Variants in RIMS1 observed in about 807,000 individuals in gnomAD.
The protein encoded by RIMS1 is regulating synaptic membrane exocytosis 1, also known as regulating synaptic membrane exocytosis protein 1.
In RIMS1, 83 loss-of-function variants were observed where a neutral mutation model predicts 214.1. The observed-to-expected ratio is 0.39, with a 90% CI of 0.32 to 0.47. The LOEUF is 0.47. Among genes scored for constraint, RIMS1 ranks in the 20% least tolerant of loss-of-function variants. RIMS1 has a pLI of 0.99. For synonymous variants in RIMS1, 793 were observed against 786.8 expected (o/e 1.01, Z -0.13); for missense variants, 2,050 against 2,161.8 (o/e 0.95, Z 1.03).
At chr6:71,979,433 G>C (rs533445763) in intron 2 of RIMS1, among the ~76,000 whole-genome samples, 6 of 152,046 alleles carry the variant, frequency 3.9e-5, no homozygotes, top group African/African-American at 1.4e-4. Flanking sequence ...CTGAACTCTA[G>C]ACCTGAAAAT....
rs187130614 is a variant in RIMS1 at position 72,074,792 on chromosome 6, T to C, written c.246-22157T>C. Among the ~76,000 whole-genome samples, 5 of 152,358 alleles carry C rather than the reference T, an allele frequency of 3.3e-5. No individual in the cohort carries two copies. The East Asian group carries it at 7.7e-4, about 24-fold the overall frequency. The stretch of plus-strand genomic sequence containing the variant: ...TTTCTGCAGTTTAGATAGCTGCTGC[T>C]GTAAACAGTAAGTACTTTCCAAGGG... On this transcript the variant is annotated intron_variant, in intron 2 of 33. Coordinates refer to ENST00000521978, the MANE Select transcript of RIMS1 (RefSeq NM_014989.7).
chr6:72,030,375 A>G (rs1244238958), intron 2 of RIMS1, among the ~76,000 whole-genome samples: 1 of 152,210 alleles, frequency 6.6e-6, no homozygotes, highest in Non-Finnish European at 1.5e-5. Flanking sequence ...TTAGCAGAAT[A>G]TACTTTTGAC....
intron 29 of RIMS1, among the ~76,000 whole-genome samples, chr6:72,383,498 G>A (rs2098529333): frequency 6.6e-6 from 1 of 151,340 alleles, no homozygotes. Context: ...TTTTGGCCAG[G>A]CACAGTGGCT....
chr6:72,063,496 G>A (rs972562842), intron 2 of RIMS1, among the ~76,000 whole-genome samples: 1 of 152,226 alleles, frequency 6.6e-6, no homozygotes, highest in Non-Finnish European at 1.5e-5. Flanking sequence ...AACCAGAGCA[G>A]GACTTTGGGC....
chr6:71,953,895 CA>C (rs1169219140), intron 1 of RIMS1, among the ~76,000 whole-genome samples: 42 of 152,308 alleles, frequency 2.8e-4, no homozygotes, highest in Admixed American at 2.4e-3. Flanking sequence ...CCCAGCCAAA[CA>C]GACTGAATTA....
intron 1 of RIMS1, among the ~76,000 whole-genome samples, chr6:71,938,983 A>G (rs1361586708): frequency 6.6e-6 from 1 of 152,084 alleles, no homozygotes; most frequent in East Asian, 1.9e-4. Flanking sequence ...TTCCTCTCAC[A>G]TCTCACTGTA....
chr6:72,060,063 C>T (rs375351101), intron 2 of RIMS1, among the ~76,000 whole-genome samples: 4 of 151,828 alleles, frequency 2.6e-5, no homozygotes, highest in South Asian at 2.1e-4. Context: ...CTCAGCCTCC[C>T]GAGTAGCTAG....
At chr6:72,377,335 A>G (rs2098408021) in intron 29 of RIMS1, among the ~76,000 whole-genome samples, 1 of 152,158 alleles carries the variant, frequency 6.6e-6, no homozygotes, top group African/African-American at 2.4e-5. Flanking sequence ...TAAACCCTAG[A>G]AAGACATCTG....
In RIMS1 at chr6:72,183,101, A is replaced by G. The variant is rs535663104; in HGVS notation, c.1630A>G (p.Thr544Ala). Residue 544 changes from threonine (T) to alanine (A), a missense_variant, in exon 6 of 34, where the codon ACC (threonine) becomes GCC (alanine). Around this residue, in one of 6 missense-constraint regions of RIMS1, gnomAD observed 882 missense variants for 828.9 expected, o/e 1.06. Coordinates refer to ENST00000521978, the MANE Select transcript of RIMS1 (RefSeq NM_014989.7). ...EEEGVSTPEY[T>A]SCEDVELESE... ...GGAGGGCGTGTCGACGCCCGAGTAC[A>G]CCAGCTGCGAGGACGTGGAGCTGGA... 6.3e-7 allele frequency: 1 copy of G among 1,591,728 alleles called. No homozygotes were observed. The highest frequency in any genetic ancestry group is 1.7e-4 in the Middle Eastern group (1 of 6,038).
chr6:72,336,304 G>A (rs1042299365), intron 29 of RIMS1, among the ~76,000 whole-genome samples: 1 of 151,704 alleles, frequency 6.6e-6, no homozygotes, highest in Non-Finnish European at 1.5e-5. Context: ...AACTATACTT[G>A]TGGCTCATCT....
chr6:72,134,273 T>C (rs2040916774), intron 4 of RIMS1, among the ~76,000 whole-genome samples: 1 of 151,948 alleles, frequency 6.6e-6, no homozygotes, highest in African/African-American at 2.4e-5. Flanking sequence ...ACATACTTTA[T>C]TATTGTGAAT....
At chr6:72,063,918 A>T (rs1286947490) in intron 2 of RIMS1, among the ~76,000 whole-genome samples, 1 of 152,124 alleles carries the variant, frequency 6.6e-6, no homozygotes, top group Non-Finnish European at 1.5e-5. Flanking sequence ...TGGCTTGTAG[A>T]TCACTATCTT....
chr6:71,960,278 G>A (rs1792538769), intron 1 of RIMS1, among the ~76,000 whole-genome samples: 1 of 152,106 alleles, frequency 6.6e-6, no homozygotes, highest in Non-Finnish European at 1.5e-5. Context: ...CCTGGCTTGG[G>A]ACAAAGCCAG....
intron 12 of RIMS1, among the ~76,000 whole-genome samples, chr6:72,248,858 A>C (rs893035131): frequency 1.3e-5 from 2 of 152,202 alleles, no homozygotes; most frequent in African/African-American, 4.8e-5. Flanking sequence ...TTATTGCTCA[A>C]GGGCTTTTAT....
At chr6:72,293,378 A>C (rs527282863) in intron 26 of RIMS1, among the ~76,000 whole-genome samples, 9 of 152,036 alleles carry the variant, frequency 5.9e-5, no homozygotes, top group African/African-American at 2.2e-4. Context: ...CTCTGGGAAC[A>C]TTTTAAAATT....
At chr6:72,085,083 A>G (rs1047043567) in intron 2 of RIMS1, among the ~76,000 whole-genome samples, 4 of 152,126 alleles carry the variant, frequency 2.6e-5, no homozygotes, top group African/African-American at 4.8e-5. Flanking sequence ...TTTTTAACAC[A>G]TAAGATGTTG....
At chr6:72,263,937 G>A (rs1315273813) in intron 19 of RIMS1, 1 of 366,854 alleles carries the variant, frequency 2.7e-6, no homozygotes, top group Non-Finnish European at 3.8e-6. Flanking sequence ...AGGTTGCAGT[G>A]AGCCAAGATC....
At position 72,384,087 on chromosome 6, in the gene RIMS1, G is replaced by T. The variant is rs188106902; in HGVS notation, c.4367-6511G>T. On this transcript the variant is annotated intron_variant, in intron 29 of 33. Coordinates refer to ENST00000521978, the MANE Select transcript of RIMS1 (RefSeq NM_014989.7). ...CTGCTTTGGCCTCAGAGACTGCTTT[G>T]ATTGGAAGATGATTTATCTGATGTT... Among the ~76,000 whole-genome samples, 16 of 152,216 alleles carry T rather than the reference G, an allele frequency of 1.1e-4. No homozygotes were observed. In the East Asian group the frequency reaches 3.1e-3, roughly 29 times the overall value.
At chr6:71,917,782 G>C (rs1453752285) in intron 1 of RIMS1, among the ~76,000 whole-genome samples, 2 of 152,116 alleles carry the variant, frequency 1.3e-5, no homozygotes, top group Admixed American at 6.6e-5. Flanking sequence ...AATGAGGATG[G>C]GCTGGTGTTT....
Sources: gnomAD v4.1 joint callset for allele counts (sites outside exome capture counted in the v4.1 genomes callset) on GRCh38, gnomAD v4.1.1 for gene constraint, gnomAD v4.1.1 regional missense constraint, MANE v1.5 for transcripts, NCBI Gene and HGNC (gene_info 2026-07-23, HGNC 2026-07-21) for gene names.